The following ENO4 variants were observed in gnomAD, a reference collection of about 807,000 sequenced individuals.
ENO4 encodes enolase 4.
In ENO4, 53 loss-of-function variants were observed where a neutral mutation model predicts 63.2. The ratio of observed to expected loss-of-function variants is 0.84; its 90% CI spans 0.67 to 1.05. The LOEUF (loss-of-function observed/expected upper bound fraction) is 1.05. ENO4 is among the 50% of genes least tolerant of loss of function. The probability of loss-of-function intolerance (pLI) is 0.00; values close to 1 mark genes in which losing one functional copy is unlikely to be tolerated. For missense variants in ENO4, 719 were observed against 772.0 expected (o/e 0.93, Z 0.81); for synonymous variants, 266 against 283.8 (o/e 0.94, Z 0.63).
intron 3 of ENO4, among the ~76,000 whole-genome samples, chr10:116,857,879 C>T (rs913507938): frequency 2.8e-4 from 42 of 152,116 alleles, no homozygotes; most frequent in Non-Finnish European, 6.0e-4. Flanking sequence ...TCAAGTGATC[C>T]ACCTGCCTCG....
chr10:116,882,995 C>A (rs1847064418), downstream of ENO4: 1 of 151,890 alleles, frequency 6.6e-6, no homozygotes, highest in African/African-American at 2.4e-5. Flanking sequence ...CACACACACA[C>A]ACACATCATG....
intron 3 of ENO4, 61 bp downstream of exon 3, chr10:116,856,743 T>G: frequency 7.3e-7 from 1 of 1,378,382 alleles, no homozygotes; most frequent in Non-Finnish European, 9.6e-7. Context: ...GGCTCACGCC[T>G]GTAATCCCAG....
rs1463452685 is a variant in ENO4, at chr10:116,859,035, A to G, written c.531A>G (p.Glu177=). 1 of 1,535,756 alleles carries G rather than the reference A, an allele frequency of 6.5e-7. No individual in the cohort carries two copies. Among genetic ancestry groups the G allele is most frequent in the African/African-American group, 1.4e-5 (1 of 73,016 alleles). Residue 177 remains glutamate (E), a synonymous_variant, in exon 4 of 14, where the codon GAA becomes GAG. Coordinates refer to ENST00000341276, the MANE Select transcript of ENO4 (RefSeq NM_001242699.2). ...TACAAGAAGATAAGGGGAGAAAAGAATTGGAAAAGAGCCTGGAATACTCAA... is the reference window on the plus strand; with the variant it reads ...TACAAGAAGATAAGGGGAGAAAAGAGTTGGAAAAGAGCCTGGAATACTCAA... ...SKVQEDKGRK[E]LEKSLEYSTV... is the part of the protein sequence containing the mutation.
downstream of ENO4, chr10:116,884,986 C>T (rs56075302): frequency 6.6e-6 from 1 of 152,326 alleles, no homozygotes; most frequent in South Asian, 2.1e-4. Context: ...TGATAAGTAA[C>T]TATAAAATCA....
chr10:116,902,484 G>A (rs1847783490), intron 10 of ENO4, among the ~76,000 whole-genome samples: 1 of 152,128 alleles, frequency 6.6e-6, no homozygotes, highest in South Asian at 2.1e-4. Flanking sequence ...TTAAAACACA[G>A]ACACAAAATC....
chr10:116,868,753 A>T (rs1052118468), intron 8 of ENO4, 47 bp downstream of exon 8: 1 of 1,490,586 alleles, frequency 6.7e-7, no homozygotes, highest in South Asian at 1.2e-5. Context: ...CACTGTCTAT[A>T]AATTTCCTGC....
chr10:116,861,261 C>T (rs574676321), intron 6 of ENO4, 71 bp downstream of exon 6: 22 of 394,682 alleles, frequency 5.6e-5, no homozygotes, highest in African/African-American at 2.7e-4. Context: ...ATATATACTC[C>T]GTCATTGATG....
At position 116,881,429 on chromosome 10, in the gene ENO4, C is replaced by A. The variant is rs1043427356; in HGVS notation, c.1724-86C>A. On this transcript the variant is annotated intron_variant, in intron 13 of 13. Coordinates refer to ENST00000341276, the MANE Select transcript of ENO4 (RefSeq NM_001242699.2). ...GTGATGTGACACCTTTGGACTAGTACTGAAGATGATCTCCTTCAACTTATG... is the reference window on the plus strand; with the variant it reads ...GTGATGTGACACCTTTGGACTAGTAATGAAGATGATCTCCTTCAACTTATG... 2.1e-5 allele frequency: 22 copies of A among 1,057,626 alleles called. 1 individual carries two copies. The highest frequency in any genetic ancestry group is 6.4e-4 in the Middle Eastern group (2 of 3,148). 65.5% of individuals were successfully genotyped at this position (1,057,626 alleles called of 1,614,324 possible). A position where few individuals can be genotyped will look rare whatever the true frequency, so the allele number is the denominator to read the frequency against.
intron 10 of ENO4, among the ~76,000 whole-genome samples, chr10:116,903,711 G>A (rs887360863): frequency 6.6e-6 from 1 of 152,104 alleles, no homozygotes; most frequent in Admixed American, 6.5e-5. Context: ...GGTAAGCGTT[G>A]ACTACAATAC....
chr10:116,884,451 T>C (rs17095392), downstream of ENO4: 9,626 of 354,938 alleles, frequency 0.027, 739 homozygotes, highest in African/African-American at 0.17. Context: ...TACCTGTTAC[T>C]AATTGTTCCC....
intron 10 of ENO4, among the ~76,000 whole-genome samples, chr10:116,902,786 G>C (rs1406591439): frequency 6.6e-6 from 1 of 152,234 alleles, no homozygotes; most frequent in Non-Finnish European, 1.5e-5. Flanking sequence ...GAAATAAAGT[G>C]AGAGGATAAC....
At chr10:116,874,905 C>T (rs1308741432) in intron 10 of ENO4, among the ~76,000 whole-genome samples, 1 of 152,104 alleles carries the variant, frequency 6.6e-6, no homozygotes, top group African/African-American at 2.4e-5. Context: ...AGCTCCTGAG[C>T]TCAGGAGATC....
At chr10:116,860,385 G>T (rs1013316697) in intron 4 of ENO4, among the ~76,000 whole-genome samples, 2 of 152,208 alleles carry the variant, frequency 1.3e-5, no homozygotes, top group African/African-American at 4.8e-5. Context: ...GAGATGTTCA[G>T]CAGAAAGTTG....
Position 116,894,742 on chromosome 10 carries a change from G to T in ENO4, c.1194+14756G>T, listed in dbSNP as rs114802169. On this transcript the variant is annotated intron_variant, in intron 10 of 10. Transcript: ENST00000369207. ...CCTTGTCTAATTGCAACTGTTAGGA[G>T]GATATTCACCTTCCTGAAAGTAATT... 4.0e-3 allele frequency among the ~76,000 whole-genome samples: 604 copies of T among 152,278 alleles called. 6 individuals are homozygous for T. Among genetic ancestry groups the T allele is most frequent in the African/African-American group, 0.014 (573 of 41,550 alleles).
At chr10:116,888,768 C>T (rs1330589033) in intron 10 of ENO4, among the ~76,000 whole-genome samples, 1 of 152,192 alleles carries the variant, frequency 6.6e-6, no homozygotes, top group Non-Finnish European at 1.5e-5. Context: ...ACAGAGCCTG[C>T]CCTACACGGA....
intron 11 of ENO4, among the ~76,000 whole-genome samples, chr10:116,878,739 TA>T (rs1846906735): frequency 1.2e-5 from 1 of 86,360 alleles, no homozygotes; most frequent in Non-Finnish European, 2.4e-5. Flanking sequence ...ACAAATCATA[TA>T]TCTTTTTTTT....
chr10:116,884,893 G>A (rs556720887), downstream of ENO4: 1 of 153,298 alleles, frequency 6.5e-6, no homozygotes, highest in African/African-American at 2.4e-5. Context: ...GCAGTCTGTA[G>A]TAAGCATATC....
chr10:116,887,877 C>A (rs1847215154), intron 10 of ENO4, among the ~76,000 whole-genome samples: 1 of 152,308 alleles, frequency 6.6e-6, no homozygotes, highest in East Asian at 1.9e-4. Flanking sequence ...GTCTGGATGT[C>A]TCTCTTGCAA....
At chr10:116,904,130 C>A (rs2133330264) in intron 10 of ENO4, among the ~76,000 whole-genome samples, 2 of 152,268 alleles carry the variant, frequency 1.3e-5, no homozygotes, top group East Asian at 3.9e-4. Context: ...CTACTTGTGA[C>A]TTCACATTTA....
Sources: allele counts gnomAD v4.1 joint callset (sites outside exome capture counted in the v4.1 genomes callset), GRCh38; gene constraint gnomAD v4.1.1; transcripts MANE v1.5; gene names NCBI Gene and HGNC (gene_info 2026-07-23, HGNC 2026-07-21).